KIF26B: variants seen among roughly 807,000 people sequenced by gnomAD.
KIF26B encodes the protein kinesin family member 26B, also known as kinesin-like protein KIF26B.
In KIF26B, 63 loss-of-function variants were observed where a neutral mutation model predicts 151.2. The ratio of observed to expected loss-of-function variants is 0.42; its 90% CI spans 0.34 to 0.51. The LOEUF is 0.51. Among genes scored for constraint, KIF26B ranks in the 20% least tolerant of loss-of-function variants. KIF26B has a pLI of 0.07. For missense variants in KIF26B, 2,813 were observed against 2,913.6 expected, an observed-to-expected ratio of 0.97 and a Z score of 0.79; for synonymous variants, 1,357 against 1,262.1, an observed-to-expected ratio of 1.08 and a Z score of -1.59.
At chr1:245,420,007 C>T (rs1459250831) in intron 4 of KIF26B, among the ~76,000 whole-genome samples, 3 of 152,112 alleles carry the variant, frequency 2.0e-5, no homozygotes, top group Admixed American at 6.5e-5. Flanking sequence ...CTCCTCCAGT[C>T]GTGACTACCA....
chr1:245,246,374 C>A (rs1382298815), intron 2 of KIF26B, among the ~76,000 whole-genome samples: 1 of 152,244 alleles, frequency 6.6e-6, no homozygotes, highest in East Asian at 1.9e-4. Flanking sequence ...TCAGCAGCAT[C>A]AACAGCAAGG....
chr1:245,465,406 A>T (rs1572075896), intron 4 of KIF26B, among the ~76,000 whole-genome samples: 1 of 151,538 alleles, frequency 6.6e-6, no homozygotes, highest in South Asian at 2.1e-4. Flanking sequence ...TGACCAGGGG[A>T]GGGGGAAAAG....
At chr1:245,424,244 C>T (rs150266004) in intron 4 of KIF26B, among the ~76,000 whole-genome samples, 129 of 152,056 alleles carry the variant, frequency 8.5e-4, no homozygotes, top group African/African-American at 2.8e-3. Flanking sequence ...CAACCTCTGC[C>T]TCCCAGGTTC....
At chr1:245,349,951 C>T (rs935200679) in intron 2 of KIF26B, among the ~76,000 whole-genome samples, 2 of 152,200 alleles carry the variant, frequency 1.3e-5, no homozygotes, top group African/African-American at 4.8e-5. Context: ...AGATCATACT[C>T]CCAAAGGCTT....
intron 10 of KIF26B, among the ~76,000 whole-genome samples, chr1:245,653,990 G>A (rs1418423706): frequency 3.3e-5 from 5 of 152,176 alleles, no homozygotes; most frequent in African/African-American, 1.2e-4. Flanking sequence ...TTGAACCCAG[G>A]AGGTTGAGGC....
intron 2 of KIF26B, among the ~76,000 whole-genome samples, chr1:245,215,510 C>G (rs1397559533): frequency 1.3e-5 from 2 of 152,190 alleles, no homozygotes; most frequent in Non-Finnish European, 2.9e-5. Flanking sequence ...TCTTCCATTT[C>G]TGAAAGCCAG....
In KIF26B at chr1:245,394,684, C is replaced by CTTTTTTTTTT. The variant is rs1444711983; in HGVS notation, c.1000-24892_1000-24891insTTTTTTTTTT. ...TTAAAAAGTACCTTCAAGTTTTTTT[C>CTTTTTTTTTT]TTTCTTTTTTTTTTTTTTTTTTTGA... On this transcript the variant is annotated intron_variant, in intron 3 of 14. Transcript: ENST00000407071. Among the ~76,000 whole-genome samples, 60 of 124,398 alleles carry CTTTTTTTTTT rather than the reference C, an allele frequency of 4.8e-4. 1 individual carries two copies. The highest frequency in any genetic ancestry group is 1.1e-3 in the African/African-American group (28 of 25,252). The allele number at this position is 124,398 out of a possible 152,430, so 81.6% of individuals were successfully genotyped here.
chr1:245,362,551 A>AT (rs74163043), intron 2 of KIF26B, among the ~76,000 whole-genome samples: 6 of 150,110 alleles, frequency 4.0e-5, no homozygotes, highest in Non-Finnish European at 7.4e-5. Flanking sequence ...AAAAAAAAAA[A>AT]TTTTCCTGAG....
In KIF26B at chr1:245,166,871, G is replaced by C. The variant is rs1437587088; in HGVS notation, c.465+10188G>C. 2.6e-5 allele frequency among the ~76,000 whole-genome samples: 4 copies of C among 152,196 alleles called. No individual in the cohort carries two copies. Among genetic ancestry groups the C allele is most frequent in the South Asian group, 2.1e-4 (1 of 4,834 alleles). ...GGGCTGGAGGTGACCGTGGAGGAGA[G>C]GGATCCTGTGAGCTCTAATACAAAA... is the stretch of plus-strand genomic sequence containing the variant. On this transcript the variant is annotated intron_variant, in intron 2 of 14. Transcript: ENST00000407071. The surrounding 1 kb of genome is among the most constrained non-coding windows in gnomAD (Gnocchi z 4.5).
chr1:245,653,899 A>G (rs2044046446), intron 10 of KIF26B, among the ~76,000 whole-genome samples: 3 of 152,066 alleles, frequency 2.0e-5, no homozygotes, highest in African/African-American at 7.2e-5. Context: ...GTCTCCACAA[A>G]AAAAAATTAA....
At chr1:245,267,282 T>C (rs1670763891) in intron 2 of KIF26B, among the ~76,000 whole-genome samples, 1 of 152,240 alleles carries the variant, frequency 6.6e-6, no homozygotes, top group South Asian at 2.1e-4. Context: ...GCTGGTAGTG[T>C]ATACATTCAG....
intron 2 of KIF26B, among the ~76,000 whole-genome samples, chr1:245,262,755 A>G (rs1011907666): frequency 3.3e-5 from 5 of 152,158 alleles, no homozygotes; most frequent in African/African-American, 1.2e-4. Context: ...GCGCCTGGCC[A>G]GGAATGAGTT....
At chr1:245,220,923 A>G (rs1419368026) in intron 2 of KIF26B, among the ~76,000 whole-genome samples, 1 of 152,034 alleles carries the variant, frequency 6.6e-6, no homozygotes, top group Non-Finnish European at 1.5e-5. Flanking sequence ...CTCAAGTTGA[A>G]GCCTGGGAAA....
intron 10 of KIF26B, among the ~76,000 whole-genome samples, chr1:245,657,691 C>T (rs569679795): frequency 3.9e-5 from 6 of 152,246 alleles, no homozygotes; most frequent in Admixed American, 1.3e-4. Context: ...TTGCCGATGC[C>T]GATTCTTCTG....
At chr1:245,472,084 G>A (rs1055359799) in intron 4 of KIF26B, among the ~76,000 whole-genome samples, 9 of 152,266 alleles carry the variant, frequency 5.9e-5, no homozygotes, top group Admixed American at 3.9e-4. Context: ...GAGCCACTGC[G>A]CCCAGTCAGA....
At chr1:245,161,497 A>T (rs1668528645) in intron 2 of KIF26B, among the ~76,000 whole-genome samples, 1 of 152,232 alleles carries the variant, frequency 6.6e-6, no homozygotes, top group Non-Finnish European at 1.5e-5. Context: ...TGGAGGCAAC[A>T]TCAGTTGCCA....
At position 245,419,654 on chromosome 1, in the gene KIF26B, C is replaced by T; in HGVS notation, c.1075C>T (p.Pro359Ser). ...AVLNRYNADKPSACSVPASQG... is the reference protein window; with the variant it reads ...AVLNRYNADKSSACSVPASQG... ...GCTGAACCGCTACAATGCAGACAAG[C>T]CTTCCGCCTGCAGTGTCCCAGCCTC... The change falls in exon 4 of 15, where the codon CCT (proline) becomes TCT (serine). Residue 359 changes from proline (P) to serine (S), a missense_variant. Pro to Ser is a moderately conservative substitution (Grantham distance 74). Transcript: ENST00000407071. 6.2e-7 allele frequency: 1 copy of T among 1,613,856 alleles called. No homozygotes were observed. Among genetic ancestry groups the T allele is most frequent in the Non-Finnish European group, 8.5e-7 (1 of 1,179,776 alleles).
intron 10 of KIF26B, among the ~76,000 whole-genome samples, chr1:245,681,370 C>T (rs543462468): frequency 6.6e-6 from 1 of 152,252 alleles, no homozygotes; most frequent in African/African-American, 2.4e-5. Flanking sequence ...CCACCACGCC[C>T]AGCTAATTTT....
intron 4 of KIF26B, among the ~76,000 whole-genome samples, chr1:245,528,306 G>A (rs890025557): frequency 1.3e-5 from 2 of 152,198 alleles, no homozygotes; most frequent in Non-Finnish European, 2.9e-5. Flanking sequence ...GGCGTGGCCA[G>A]GTCATCAGTT....
Sources: gnomAD v4.1 joint callset for allele counts (sites outside exome capture counted in the v4.1 genomes callset) on GRCh38, gnomAD v4.1.1 for gene constraint, Gnocchi (gnomAD v3.1) non-coding constraint, MANE v1.5 for transcripts, NCBI Gene and HGNC (gene_info 2026-07-23, HGNC 2026-07-21) for gene names.